The following CEP128 variants were observed in gnomAD, a reference collection of about 807,000 sequenced individuals.
The protein encoded by CEP128 is centrosomal protein 128, also known as centrosomal protein 128kDa.
A neutral mutation model predicts 156.7 loss-of-function variants in CEP128; 132 were observed. The ratio of observed to expected loss-of-function variants is 0.84; its 90% CI spans 0.73 to 0.97. The LOEUF (loss-of-function observed/expected upper bound fraction) is 0.97. CEP128 is among the 50% of genes least tolerant of loss of function. CEP128 has a pLI of 0.00. For synonymous variants in CEP128, 469 were observed against 448.9 expected (o/e 1.04, Z -0.57); for missense variants, 1,252 against 1,281.9 (o/e 0.98, Z 0.36).
chr14:80,783,686 T>A (rs1312424491), intron 15 of CEP128, among the ~76,000 whole-genome samples: 1 of 152,236 alleles, frequency 6.6e-6, no homozygotes, highest in Non-Finnish European at 1.5e-5. Flanking sequence ...TCATCAACAT[T>A]AAAATGTGTA....
At chr14:80,730,455 C>T (rs1199936448) in intron 19 of CEP128, among the ~76,000 whole-genome samples, 2 of 152,132 alleles carry the variant, frequency 1.3e-5, no homozygotes, top group Non-Finnish European at 2.9e-5. Context: ...ACTCCTGTAC[C>T]ATTGACAGAC....
intron 2 of CEP128, among the ~76,000 whole-genome samples, chr14:80,935,276 C>A (rs1885716355): frequency 6.6e-6 from 1 of 152,116 alleles, no homozygotes; most frequent in South Asian, 2.1e-4. Context: ...CTTGGCTGGG[C>A]ACAGTGGCTC....
At chr14:80,862,163 T>C (rs761090070) in intron 9 of CEP128, among the ~76,000 whole-genome samples, 4 of 152,216 alleles carry the variant, frequency 2.6e-5, no homozygotes, top group Non-Finnish European at 5.9e-5. Context: ...ACTTTTTCTG[T>C]AAAGGGCCAA....
At chr14:80,702,911 C>A (rs919717737) in intron 19 of CEP128, among the ~76,000 whole-genome samples, 3 of 152,026 alleles carry the variant, frequency 2.0e-5, no homozygotes, top group African/African-American at 7.2e-5. Flanking sequence ...AATACCTAAG[C>A]ATAGTAGGGT....
At chr14:80,882,944 G>T (rs1429128283) in intron 8 of CEP128, among the ~76,000 whole-genome samples, 1 of 151,830 alleles carries the variant, frequency 6.6e-6, no homozygotes, top group Non-Finnish European at 1.5e-5. Context: ...AAGTTTAATG[G>T]GTATAAAAAA....
intron 23 of CEP128, among the ~76,000 whole-genome samples, chr14:80,507,970 A>G (rs1888058549): frequency 6.6e-6 from 1 of 152,218 alleles, no homozygotes; most frequent in African/African-American, 2.4e-5. Flanking sequence ...GCTGGAGTGC[A>G]GTGGCACGAT....
chr14:80,884,134 C>G (rs545742773), intron 8 of CEP128, among the ~76,000 whole-genome samples: 1 of 152,228 alleles, frequency 6.6e-6, no homozygotes, highest in South Asian at 2.1e-4. Flanking sequence ...CAAAGAAACA[C>G]TGGGGACCAA....
chr14:80,789,754 T>C (rs1211318161), intron 14 of CEP128, among the ~76,000 whole-genome samples: 1 of 150,332 alleles, frequency 6.7e-6, no homozygotes, highest in Admixed American at 6.6e-5. Context: ...CCATGGCAAT[T>C]ACAGAAACAG....
chr14:80,546,655 T>C (rs1889997894), intron 21 of CEP128, among the ~76,000 whole-genome samples: 1 of 152,206 alleles, frequency 6.6e-6, no homozygotes, highest in South Asian at 2.1e-4. Context: ...ACTATATAGT[T>C]AATGCCTGAT....
intron 20 of CEP128, among the ~76,000 whole-genome samples, chr14:80,560,911 T>C (rs180881648): frequency 6.6e-6 from 1 of 152,234 alleles, no homozygotes; most frequent in African/African-American, 2.4e-5. Context: ...ATATATCTCC[T>C]ACTAATTCTG....
intron 19 of CEP128, among the ~76,000 whole-genome samples, chr14:80,703,787 G>A (rs1897149428): frequency 6.6e-6 from 1 of 152,000 alleles, no homozygotes; most frequent in Non-Finnish European, 1.5e-5. Context: ...ACACTTGTGT[G>A]TGTGTATATG....
intron 9 of CEP128, among the ~76,000 whole-genome samples, chr14:80,852,492 TAAATG>T (rs1415195631): frequency 6.6e-6 from 1 of 151,838 alleles, no homozygotes; most frequent in Non-Finnish European, 1.5e-5. Context: ...AATAATCCTT[TAAATG>T]AAGAGAAAGA....
intron 3 of CEP128, 39 bp downstream of exon 3, chr14:80,916,362 T>A (rs1566714118): frequency 6.5e-7 from 1 of 1,527,944 alleles, no homozygotes; most frequent in Non-Finnish European, 9.0e-7. Flanking sequence ...CAGCTCAAAC[T>A]ATTTAAATTC....
intron 19 of CEP128, among the ~76,000 whole-genome samples, chr14:80,684,632 G>A (rs1413404735): frequency 1.3e-5 from 2 of 148,946 alleles, no homozygotes; most frequent in Non-Finnish European, 3.0e-5. Context: ...CCAAAACCTA[G>A]CAAAGACACA....
In CEP128 at chr14:80,845,507, T is replaced by C. The variant is rs912986805; in HGVS notation, c.763-4739A>G. On this transcript the variant is annotated intron_variant, in intron 9 of 24. Transcript: ENST00000555265. ...TTATTAGAAATCCAGAGTAATATAATACTTCATTTGACTTTCTAAATGCAG... is the reference window on the plus strand; with the variant it reads ...TTATTAGAAATCCAGAGTAATATAACACTTCATTTGACTTTCTAAATGCAG... 1.6e-4 allele frequency among the ~76,000 whole-genome samples: 24 copies of C among 152,148 alleles called. 1 individual carries two copies. Among genetic ancestry groups the C allele is most frequent in the Non-Finnish European group, 2.4e-4 (16 of 67,990 alleles).
rs912017697 is a variant in CEP128, at chr14:80,680,952, G to T, written c.2806+62123C>A. Among the ~76,000 whole-genome samples the T allele has an allele frequency of 4.6e-5, 7 of 152,200 alleles. No homozygotes were observed. The East Asian group carries it at 1.4e-3, about 29-fold the overall frequency. On this transcript the variant is annotated intron_variant, in intron 19 of 24. Transcript: ENST00000555265. ...TGTGCACCCCACGGATCAGCCCATT[G>T]CCTGAGACAATAGAGACCCTCTCCC...
chr14:80,839,162 C>T (rs1267562477), intron 10 of CEP128, among the ~76,000 whole-genome samples: 1 of 152,186 alleles, frequency 6.6e-6, no homozygotes, highest in African/African-American at 2.4e-5. Flanking sequence ...TAGATGATTT[C>T]AAGTTGAAAT....
At chr14:80,848,111 A>T (rs893834520) in intron 9 of CEP128, among the ~76,000 whole-genome samples, 1 of 152,204 alleles carries the variant, frequency 6.6e-6, no homozygotes, top group Admixed American at 6.5e-5. Flanking sequence ...ACAAATAATG[A>T]AAGTGTTAAG....
At chr14:80,949,336 G>A (rs1170482972) in intron 2 of CEP128, among the ~76,000 whole-genome samples, 3 of 152,148 alleles carry the variant, frequency 2.0e-5, no homozygotes, top group African/African-American at 7.2e-5. Flanking sequence ...CAGGTAGGTG[G>A]AGTTTGCAGG....
Sources: gnomAD v4.1 joint callset for allele counts (sites outside exome capture counted in the v4.1 genomes callset) on GRCh38, gnomAD v4.1.1 for gene constraint, MANE v1.5 for transcripts, NCBI Gene and HGNC (gene_info 2026-07-23, HGNC 2026-07-21) for gene names.